Variants in DRC11 observed in about 807,000 individuals in gnomAD.
The protein encoded by DRC11 is dynein regulatory complex subunit 11.
chr2:236,467,752 A>T, the DRC11 span, among the ~76,000 whole-genome samples: 1 of 152,250 alleles, frequency 6.6e-6, no homozygotes, highest in Non-Finnish European at 1.5e-5. Flanking sequence ...GACCCTGTTT[A>T]GAAAAGACAT....
At chr2:236,330,371 T>C in the DRC11 span, among the ~76,000 whole-genome samples, 2 of 152,256 alleles carry the variant, frequency 1.3e-5, no homozygotes, top group African/African-American at 4.8e-5. This position sits in a 1 kb window ranked among gnomAD's most constrained non-coding sequence, Gnocchi z 5.5. Flanking sequence ...TGATAGAGAC[T>C]GCATGGCTCT....
At chr2:236,398,352 A>G in the DRC11 span, among the ~76,000 whole-genome samples, 1 of 152,188 alleles carries the variant, frequency 6.6e-6, no homozygotes, top group African/African-American at 2.4e-5. This position sits in a 1 kb window ranked among gnomAD's most constrained non-coding sequence, Gnocchi z 6.2. Context: ...ATCTTATATC[A>G]CTAGCATATC....
the DRC11 span, chr2:236,377,198 C>G: frequency 6.4e-7 from 1 of 1,565,226 alleles, no homozygotes. The surrounding 1 kb of genome is among the most constrained non-coding windows in gnomAD (Gnocchi z 4.9). Flanking sequence ...GGGGAGAAAG[C>G]AGAGTGTCTG....
the DRC11 span, among the ~76,000 whole-genome samples, chr2:236,372,802 A>C: frequency 6.6e-6 from 1 of 151,948 alleles, no homozygotes; most frequent in South Asian, 2.1e-4. This position sits in a 1 kb window ranked among gnomAD's most constrained non-coding sequence, Gnocchi z 4.5. Flanking sequence ...TTGTAGAAAA[A>C]GGGTCTTGCT....
the DRC11 span, chr2:236,486,878 C>G: frequency 4.5e-5 from 73 of 1,609,940 alleles, no homozygotes; most frequent in African/African-American, 9.5e-4. The surrounding 1 kb of genome is among the most constrained non-coding windows in gnomAD (Gnocchi z 5.7). Context: ...AGTTTCCTTA[C>G]GTTGATGGAA....
At chr2:236,500,603 T>G in the DRC11 span, among the ~76,000 whole-genome samples, 2 of 152,198 alleles carry the variant, frequency 1.3e-5, no homozygotes, top group Admixed American at 6.5e-5. This position sits in a 1 kb window ranked among gnomAD's most constrained non-coding sequence, Gnocchi z 6.3. Context: ...GACCAGCTTA[T>G]TATAAGAAAG....
the DRC11 span, among the ~76,000 whole-genome samples, chr2:236,367,234 G>T: frequency 6.7e-6 from 1 of 148,422 alleles, no homozygotes; most frequent in Non-Finnish European, 1.5e-5. The surrounding 1 kb of genome is among the most constrained non-coding windows in gnomAD (Gnocchi z 4.8). Flanking sequence ...AAATTATGTT[G>T]CCCCTCAAAT....
At chr2:236,477,855 A>T in the DRC11 span, among the ~76,000 whole-genome samples, 3 of 151,990 alleles carry the variant, frequency 2.0e-5, no homozygotes, top group Non-Finnish European at 2.9e-5. Flanking sequence ...TAACGATCCT[A>T]TATATTTCTG....
the DRC11 span, among the ~76,000 whole-genome samples, chr2:236,502,590 A>G: frequency 6.7e-6 from 1 of 148,892 alleles, no homozygotes; most frequent in Non-Finnish European, 1.5e-5. Context: ...ATACAGCAAA[A>G]TTGCAATACT....
At chr2:236,432,992 C>T in the DRC11 span, among the ~76,000 whole-genome samples, 3 of 152,124 alleles carry the variant, frequency 2.0e-5, no homozygotes, top group Non-Finnish European at 2.9e-5. Flanking sequence ...AGATGACAAC[C>T]TGGCTCTTCT....
the DRC11 span, among the ~76,000 whole-genome samples, chr2:236,455,375 G>A: frequency 6.6e-6 from 1 of 152,228 alleles, no homozygotes; most frequent in African/African-American, 2.4e-5. The surrounding 1 kb of genome is among the most constrained non-coding windows in gnomAD (Gnocchi z 5.7). Flanking sequence ...CCCTGGTGCT[G>A]TGCCCTTGCC....
At chr2:236,428,182 T>C in the DRC11 span, among the ~76,000 whole-genome samples, 1 of 152,332 alleles carries the variant, frequency 6.6e-6, no homozygotes, top group Admixed American at 6.5e-5. Context: ...ATGTTCTATG[T>C]GCATTTGAAA....
chr2:236,398,916 G>A, the DRC11 span, among the ~76,000 whole-genome samples: 1 of 152,138 alleles, frequency 6.6e-6, no homozygotes, highest in African/African-American at 2.4e-5. This position sits in a 1 kb window ranked among gnomAD's most constrained non-coding sequence, Gnocchi z 6.2. Flanking sequence ...AAAACAGGAT[G>A]GAGGTCTTGA....
At chr2:236,380,970 A>G in the DRC11 span, among the ~76,000 whole-genome samples, 2 of 152,168 alleles carry the variant, frequency 1.3e-5, no homozygotes, top group African/African-American at 4.8e-5. This position sits in a 1 kb window ranked among gnomAD's most constrained non-coding sequence, Gnocchi z 4.9. Flanking sequence ...CACATACAGG[A>G]GTCAAGCTGT....
At chr2:236,451,462 C>T in the DRC11 span, among the ~76,000 whole-genome samples, 1 of 151,874 alleles carries the variant, frequency 6.6e-6, no homozygotes, top group African/African-American at 2.4e-5. Context: ...ACTATTTTTG[C>T]CAGATACTGT....
chr2:236,315,353 C>T, the DRC11 span, among the ~76,000 whole-genome samples: 1 of 151,982 alleles, frequency 6.6e-6, no homozygotes, highest in South Asian at 2.1e-4. The surrounding 1 kb of genome is among the most constrained non-coding windows in gnomAD (Gnocchi z 5.1). Flanking sequence ...ATAAGTGAAA[C>T]AATAAAGCTT....
chr2:236,497,123 CAA>C, the DRC11 span: 1 of 1,474,600 alleles, frequency 6.8e-7, no homozygotes, highest in Admixed American at 2.2e-5. This position sits in a 1 kb window ranked among gnomAD's most constrained non-coding sequence, Gnocchi z 5.1. Flanking sequence ...TTATTTATAA[CAA>C]AAAAAAGCAA....
chr2:236,423,149 T>A, the DRC11 span, among the ~76,000 whole-genome samples: 1 of 151,558 alleles, frequency 6.6e-6, no homozygotes, highest in Non-Finnish European at 1.5e-5. Context: ...GGGCAAGGAC[T>A]TCATGTCTAA....
the DRC11 span, among the ~76,000 whole-genome samples, chr2:236,450,314 C>CTTTTTTT: frequency 2.8e-4 from 23 of 82,374 alleles, no homozygotes; most frequent in East Asian, 9.2e-4. Context: ...CTTTTCTTTT[C>CTTTTTTT]TTTTTTTTTT....
Sources: gnomAD v4.1 joint callset for allele counts (sites outside exome capture counted in the v4.1 genomes callset) on GRCh38, gnomAD v4.1.1 for gene constraint, Gnocchi (gnomAD v3.1) non-coding constraint, MANE v1.5 for transcripts, NCBI Gene and HGNC (gene_info 2026-07-23, HGNC 2026-07-21) for gene names.